Variants in OTOF observed in about 807,000 individuals in gnomAD.
OTOF encodes the protein fer-1-like family member 2.
OTOF carries 218 observed loss-of-function variants against 236.8 expected under a neutral mutation model. That is an observed-to-expected ratio of 0.92 (90% CI 0.82 to 1.03). The LOEUF is 1.03. Ranked by LOEUF, OTOF falls within the 50% of genes least tolerant of loss-of-function variation. The pLI, the probability that OTOF is intolerant of heterozygous loss-of-function variation, is 0.00. For missense variants in OTOF, 2,590 were observed against 2,694.4 expected (o/e 0.96, Z 0.86); for synonymous variants, 1,041 against 1,072.5 (o/e 0.97, Z 0.57).
At chr2:26,468,522 G>A (rs781079783) in intron 32 of OTOF, 48 bp from the exon 33 acceptor site, 13 of 1,487,056 alleles carry the variant, frequency 8.7e-6, no homozygotes, top group Non-Finnish European at 9.4e-6. Context: ...TTCCTGGGGA[G>A]GAGTCTGTTG....
At chr2:26,501,115 A>G (rs1299348898) in intron 8 of OTOF, among the ~76,000 whole-genome samples, 3 of 152,172 alleles carry the variant, frequency 2.0e-5, no homozygotes, top group Non-Finnish European at 2.9e-5. Flanking sequence ...TTCCTGAGAG[A>G]TGGTGTCCCA....
At chr2:26,526,351 A>G (rs1432215349) in intron 3 of OTOF, among the ~76,000 whole-genome samples, 3 of 151,958 alleles carry the variant, frequency 2.0e-5, no homozygotes, top group African/African-American at 7.3e-5. Flanking sequence ...GGATAAATGA[A>G]TTGATAAATG....
intron 30 of OTOF, 191 bp downstream of exon 30, chr2:26,472,328 C>G: frequency 1.4e-6 from 1 of 696,016 alleles, no homozygotes; most frequent in Non-Finnish European, 2.6e-6. Flanking sequence ...ACCACACGCA[C>G]GCGTGTGCAT....
Position 26,462,201 on chromosome 2 carries a change from G to A in OTOF, c.5193-20C>T. 1 of 1,607,570 alleles carries A rather than the reference G, an allele frequency of 6.2e-7. No homozygotes were observed. The highest frequency in any genetic ancestry group is 8.5e-7 in the Non-Finnish European group (1 of 1,174,132). On this transcript the variant is annotated intron_variant, in intron 41 of 46. Coordinates refer to ENST00000272371, the MANE Select transcript of OTOF (RefSeq NM_194248.3). The surrounding 1 kb of genome is among the most constrained non-coding windows in gnomAD (Gnocchi z 4.7). Reference sequence around the variant, plus strand: ...TCGTACCTGGGCCCAGGGAGAGAAGGCTGGTTAGCAGCCCCAGGTGGGGGT... The same window carrying A: ...TCGTACCTGGGCCCAGGGAGAGAAGACTGGTTAGCAGCCCCAGGTGGGGGT...
Position 26,483,324 on chromosome 2 carries a change from T to G in OTOF, c.1392+138A>C. ...TAAGGACTCCAGGAGGCAGTGAGGA[T>G]CCTCTAAGTCCGTCCCTGGCCAACA... On this transcript the variant is annotated intron_variant, in intron 13 of 46. Coordinates refer to ENST00000272371, the MANE Select transcript of OTOF (RefSeq NM_194248.3). 7.6e-6 allele frequency: 6 copies of G among 792,866 alleles called. No individual in the cohort carries two copies. The South Asian group carries it at 8.7e-5, about 12-fold the overall frequency. The allele number at this position is 792,866 out of a possible 1,614,324, so 49.1% of individuals were successfully genotyped here. A position where few individuals can be genotyped will look rare whatever the true frequency, so the allele number is the denominator to read the frequency against.
At chr2:26,545,797 T>A (rs1667316307) in intron 1 of OTOF, among the ~76,000 whole-genome samples, 1 of 152,230 alleles carries the variant, frequency 6.6e-6, no homozygotes, top group African/African-American at 2.4e-5. Flanking sequence ...ACACCTTGAT[T>A]GAAAATCAAT....
In OTOF at chr2:26,480,326, T is replaced by C; in HGVS notation, c.1804-15A>G. The C allele has an allele frequency of 6.7e-7, 1 of 1,487,794 alleles. No homozygotes were observed. The highest frequency in any genetic ancestry group is 9.4e-7 in the Non-Finnish European group (1 of 1,069,140). 92.2% of individuals were successfully genotyped at this position (1,487,794 alleles called of 1,614,324 possible). On this transcript the variant is annotated splice_polypyrimidine_tract_variant and intron_variant, in intron 15 of 46. Transcript: ENST00000272371. ...CCTGCACAGCTCTGTGGGGAGGCAG[T>C]TCAAAGCGTTCCTGAGCTTGAGTAA...
chr2:26,526,703 A>G (rs1666814525), intron 3 of OTOF, among the ~76,000 whole-genome samples: 1 of 152,116 alleles, frequency 6.6e-6, no homozygotes, highest in Non-Finnish European at 1.5e-5. Context: ...GGAGTGCTTT[A>G]ATTCTATTAG....
intron 1 of OTOF, among the ~76,000 whole-genome samples, chr2:26,538,420 A>G (rs1017959897): frequency 1.3e-5 from 2 of 152,144 alleles, no homozygotes; most frequent in African/African-American, 4.8e-5. Context: ...TCCTGCCCCC[A>G]CTTTCCCCAC....
At position 26,494,816 on chromosome 2, in the gene OTOF, T is replaced by C. The variant is rs1665939238; in HGVS notation, c.897+126A>G. 3.6e-5 allele frequency: 39 copies of C among 1,071,830 alleles called. 2 individuals carry two copies. In the South Asian group the frequency reaches 5.0e-4, roughly 14 times the overall value. 66.4% of individuals were successfully genotyped at this position (1,071,830 alleles called of 1,614,324 possible). A position where few individuals can be genotyped will look rare whatever the true frequency, so the allele number is the denominator to read the frequency against. ...CAGTGTCCTGGGGGTTGTAACAGGG[T>C]GGATCACCCCTGCTGGTAGCCCTGT... On this transcript the variant is annotated intron_variant, in intron 9 of 46. Coordinates refer to ENST00000272371, the MANE Select transcript of OTOF (RefSeq NM_194248.3).
intron 6 of OTOF, among the ~76,000 whole-genome samples, chr2:26,502,805 A>G (rs1002485553): frequency 2.4e-4 from 37 of 152,220 alleles, no homozygotes; most frequent in Non-Finnish European, 1.0e-4. Flanking sequence ...AGGACTTTAC[A>G]TGACTATCTC....
intron 1 of OTOF, among the ~76,000 whole-genome samples, chr2:26,550,733 G>A (rs1279808421): frequency 6.6e-6 from 1 of 152,138 alleles, no homozygotes; most frequent in African/African-American, 2.4e-5. Flanking sequence ...CGCCTGCTGA[G>A]GCACTCAGCC....
chr2:26,554,549 G>A (rs1256842685), intron 1 of OTOF, among the ~76,000 whole-genome samples: 1 of 152,100 alleles, frequency 6.6e-6, no homozygotes, highest in African/African-American at 2.4e-5. Flanking sequence ...TACTGCTAGA[G>A]GAGTACTTTG....
At chr2:26,553,495 C>CCA (rs1384669790) in intron 1 of OTOF, among the ~76,000 whole-genome samples, 2 of 152,160 alleles carry the variant, frequency 1.3e-5, no homozygotes, top group African/African-American at 2.4e-5. Flanking sequence ...CTATTTACCC[C>CCA]CACCGCTGGC....
At chr2:26,511,186 A>G (rs552691747) in intron 5 of OTOF, among the ~76,000 whole-genome samples, 4 of 152,012 alleles carry the variant, frequency 2.6e-5, no homozygotes, top group African/African-American at 9.6e-5. Context: ...CTCCCCTCCA[A>G]TGGGGTGGGA....
At chr2:26,546,724 C>T (rs1667341735) in intron 1 of OTOF, among the ~76,000 whole-genome samples, 1 of 149,452 alleles carries the variant, frequency 6.7e-6, no homozygotes, top group South Asian at 2.1e-4. Context: ...AGTCCATAAA[C>T]ATAATCTATT....
chr2:26,476,350 ACG>A (rs780826888), intron 22 of OTOF, 33 bp from the exon 23 acceptor site: 2 of 1,593,582 alleles, frequency 1.3e-6, no homozygotes, highest in South Asian at 2.2e-5. Flanking sequence ...CAGGAGCCTG[ACG>A]GCTGCCAGGG....
In OTOF at chr2:26,477,465, G is replaced by A. The variant is rs1200860338; in HGVS notation, c.2357C>T (p.Ser786Phe). 1 of 1,603,798 alleles carries A rather than the reference G, an allele frequency of 6.2e-7. No individual in the cohort carries two copies. The highest frequency in any genetic ancestry group is 1.7e-5 in the Admixed American group (1 of 58,800). ...SLADKDQGHS[S>F]RTRLDRERLK... ...GCGCTCCCGGTCAAGCCTGGTGCGG[G>A]ATGAGTGGCCCTGGTCCTTGTCAGC... Residue 786 changes from serine (S) to phenylalanine (F), a missense_variant, in exon 20 of 47, where the codon TCC (serine) becomes TTC (phenylalanine). By Grantham distance (155) the Ser-to-Phe change is radical. This residue lies in a region of OTOF where 1,379 missense variants were observed against 1,341.6 expected (regional missense o/e 1.03). Coordinates refer to ENST00000272371, the MANE Select transcript of OTOF (RefSeq NM_194248.3). This position sits in a 1 kb window ranked among gnomAD's most constrained non-coding sequence, Gnocchi z 4.7.
At chr2:26,546,527 T>C (rs997910078) in intron 1 of OTOF, among the ~76,000 whole-genome samples, 11 of 152,270 alleles carry the variant, frequency 7.2e-5, no homozygotes, top group Middle Eastern at 3.4e-3. Flanking sequence ...AGCTGTGGTG[T>C]GAACCCTCCA....
Sources: gnomAD v4.1 joint callset for allele counts (sites outside exome capture counted in the v4.1 genomes callset) on GRCh38, gnomAD v4.1.1 for gene constraint, gnomAD v4.1.1 regional missense constraint, Gnocchi (gnomAD v3.1) non-coding constraint, MANE v1.5 for transcripts, NCBI Gene and HGNC (gene_info 2026-07-23, HGNC 2026-07-21) for gene names.